The following DCC variants were observed in gnomAD, a reference collection of about 807,000 sequenced individuals.
DCC encodes the protein netrin receptor DCC.
A neutral mutation model predicts 172.5 loss-of-function variants in DCC; 58 were observed. The observed-to-expected ratio is 0.34, with a 90% CI of 0.27 to 0.42. DCC has a LOEUF of 0.42. DCC is among the 10% of genes least tolerant of loss of function. The probability of loss-of-function intolerance (pLI) is 1.00; values close to 1 mark genes in which losing one functional copy is unlikely to be tolerated. For synonymous variants in DCC, 709 were observed against 644.5 expected (o/e 1.10, Z -1.52); for missense variants, 1,740 against 1,791.0 (o/e 0.97, Z 0.51).
At chr18:52,585,780 A>G (rs978430055) in intron 1 of DCC, among the ~76,000 whole-genome samples, 1 of 152,182 alleles carries the variant, frequency 6.6e-6, no homozygotes, top group East Asian at 1.9e-4. Flanking sequence ...TAGGGTGGTT[A>G]AATTAGAATA....
chr18:52,905,815 A>G (rs991583408), intron 2 of DCC, among the ~76,000 whole-genome samples: 1 of 152,192 alleles, frequency 6.6e-6, no homozygotes, highest in African/African-American at 2.4e-5. Flanking sequence ...TTTACCAATA[A>G]ATAAGCTTCT....
chr18:52,396,656 T>C (rs537398802), intron 1 of DCC, among the ~76,000 whole-genome samples: 1 of 152,186 alleles, frequency 6.6e-6, no homozygotes, highest in East Asian at 1.9e-4. Context: ...AGCAGGTTCC[T>C]TTTTATATCA....
At chr18:53,386,202 C>G (rs1908156115) in intron 16 of DCC, 64 bp downstream of exon 16, 4 of 1,092,790 alleles carry the variant, frequency 3.7e-6, no homozygotes, top group Non-Finnish European at 2.8e-6. Flanking sequence ...AAAAGAAAAA[C>G]TAAAATAAAA....
chr18:52,398,201 G>T (rs890834559), intron 1 of DCC, among the ~76,000 whole-genome samples: 3 of 151,824 alleles, frequency 2.0e-5, no homozygotes, highest in African/African-American at 7.3e-5. Context: ...TCACAACTTT[G>T]GTCCCATTAC....
At chr18:53,163,037 C>T (rs1052776760) in intron 8 of DCC, among the ~76,000 whole-genome samples, 2 of 152,226 alleles carry the variant, frequency 1.3e-5, no homozygotes, top group African/African-American at 4.8e-5. Context: ...TCAATTTCAC[C>T]TTTATCTCAC....
At chr18:52,649,740 A>AT (rs900706353) in intron 1 of DCC, among the ~76,000 whole-genome samples, 4 of 152,118 alleles carry the variant, frequency 2.6e-5, no homozygotes, top group African/African-American at 9.7e-5. Context: ...ACATGATTTC[A>AT]TTTTTTTATG....
intron 17 of DCC, among the ~76,000 whole-genome samples, chr18:53,396,537 T>C (rs1908957646): frequency 6.6e-6 from 1 of 152,224 alleles, no homozygotes; most frequent in Non-Finnish European, 1.5e-5. Context: ...CAAATTGCTG[T>C]TCCTTCCTTG....
At chr18:52,461,449 A>G (rs1026754885) in intron 1 of DCC, among the ~76,000 whole-genome samples, 1 of 152,248 alleles carries the variant, frequency 6.6e-6, no homozygotes, top group Non-Finnish European at 1.5e-5. Flanking sequence ...TGAATACATG[A>G]ACCAGTAATG....
At chr18:53,516,492 C>A (rs1414672345) in intron 27 of DCC, among the ~76,000 whole-genome samples, 5 of 148,342 alleles carry the variant, frequency 3.4e-5, no homozygotes, top group African/African-American at 1.3e-4. Flanking sequence ...GCAAAAGAAA[C>A]TACCATCAGA....
At chr18:53,337,062 A>G (rs2057599887) in intron 14 of DCC, among the ~76,000 whole-genome samples, 1 of 152,256 alleles carries the variant, frequency 6.6e-6, no homozygotes, top group African/African-American at 2.4e-5. Flanking sequence ...TGTACACATT[A>G]CAATGATATG....
At chr18:52,769,642 G>C (rs886147202) in intron 2 of DCC, among the ~76,000 whole-genome samples, 1 of 152,008 alleles carries the variant, frequency 6.6e-6, no homozygotes, top group Admixed American at 6.5e-5. Context: ...TATCTCAAAA[G>C]TTGTCTAAAA....
intron 26 of DCC, among the ~76,000 whole-genome samples, chr18:53,490,385 T>TTATA (rs2045947823): frequency 6.6e-6 from 1 of 152,232 alleles, no homozygotes; most frequent in Non-Finnish European, 1.5e-5. Flanking sequence ...ATTGTAGTTT[T>TTATA]TATATAGAAG....
At chr18:53,258,412 T>A (rs554433334) in intron 12 of DCC, among the ~76,000 whole-genome samples, 1 of 152,354 alleles carries the variant, frequency 6.6e-6, no homozygotes, top group South Asian at 2.1e-4. Flanking sequence ...ATATGTTGTA[T>A]CTTTGTTCTC....
chr18:53,002,415 A>G (rs1014397108), intron 5 of DCC, among the ~76,000 whole-genome samples: 1 of 152,156 alleles, frequency 6.6e-6, no homozygotes, highest in Non-Finnish European at 1.5e-5. Flanking sequence ...CCCCCTTTAG[A>G]TAATTCAGCT....
chr18:53,530,373 T>A, intron 28 of DCC, 191 bp from the exon 29 acceptor site: 1 of 704,126 alleles, frequency 1.4e-6, no homozygotes, highest in Admixed American at 2.0e-5. Context: ...TGAAACAATA[T>A]GCAATCTCTT....
chr18:53,494,622 C>G (rs985572333), intron 26 of DCC, among the ~76,000 whole-genome samples: 1 of 152,160 alleles, frequency 6.6e-6, no homozygotes, highest in African/African-American at 2.4e-5. Flanking sequence ...TTATCAGAGA[C>G]TAGGATTGCA....
chr18:53,516,296 A>T (rs1416068873), intron 27 of DCC, among the ~76,000 whole-genome samples: 22 of 149,230 alleles, frequency 1.5e-4, no homozygotes, highest in South Asian at 1.3e-3. Context: ...TACAAAAATC[A>T]ATTCAAGATG....
At chr18:52,427,752 G>A (rs1319704201) in intron 1 of DCC, among the ~76,000 whole-genome samples, 3 of 152,002 alleles carry the variant, frequency 2.0e-5, no homozygotes, top group African/African-American at 4.8e-5. Context: ...TCTTTTCAAA[G>A]TTCAGTGCCT....
intron 1 of DCC, among the ~76,000 whole-genome samples, chr18:52,427,075 G>A (rs1987453020): frequency 6.6e-6 from 1 of 152,086 alleles, no homozygotes; most frequent in South Asian, 2.1e-4. Context: ...GGTGAAGTAA[G>A]TACTGTAATC....
Sources: gnomAD v4.1 joint callset for allele counts (sites outside exome capture counted in the v4.1 genomes callset) on GRCh38, gnomAD v4.1.1 for gene constraint, MANE v1.5 for transcripts, NCBI Gene and HGNC (gene_info 2026-07-23, HGNC 2026-07-21) for gene names.